Variants in SCHIP1 observed in about 807,000 individuals in gnomAD.
SCHIP1 encodes the protein schwannomin-interacting protein 1.
SCHIP1 carries 8 observed loss-of-function variants against 29.7 expected under a neutral mutation model. That is an observed-to-expected ratio of 0.27 (90% CI 0.16 to 0.49). The LOEUF (loss-of-function observed/expected upper bound fraction) is 0.49, where lower values mean the gene tolerates loss of function less well. Ranked by LOEUF, SCHIP1 falls within the 20% of genes least tolerant of loss-of-function variation. The pLI is 0.99. For synonymous variants in SCHIP1, 76 were observed against 94.9 expected (o/e 0.80, Z 1.16); for missense variants, 193 against 294.6 (o/e 0.66, Z 2.52).
chr3:159,476,864 T>C, the SCHIP1 span, among the ~76,000 whole-genome samples: 1 of 152,154 alleles, frequency 6.6e-6, no homozygotes, highest in Non-Finnish European at 1.5e-5. Context: ...TTATTGATTA[T>C]TGTCACTGTG....
the SCHIP1 span, among the ~76,000 whole-genome samples, chr3:159,458,617 T>C: frequency 6.6e-6 from 1 of 152,150 alleles, no homozygotes; most frequent in Admixed American, 6.5e-5. Flanking sequence ...AATAGCTCCT[T>C]GTAATAGATA....
At chr3:159,508,987 C>A in the SCHIP1 span, among the ~76,000 whole-genome samples, 1 of 152,178 alleles carries the variant, frequency 6.6e-6, no homozygotes, top group Non-Finnish European at 1.5e-5. Flanking sequence ...GTTAGGTCCA[C>A]TTGGTGCAGA....
the SCHIP1 span, among the ~76,000 whole-genome samples, chr3:159,606,196 A>T: frequency 6.6e-6 from 1 of 152,206 alleles, no homozygotes; most frequent in African/African-American, 2.4e-5. Flanking sequence ...TACATTTTCA[A>T]ATAAATTCAC....
chr3:159,582,342 T>G, the SCHIP1 span, among the ~76,000 whole-genome samples: 13 of 151,968 alleles, frequency 8.6e-5, no homozygotes, highest in Non-Finnish European at 1.9e-4. Context: ...TTTTTTTTTA[T>G]TTTTAATAGA....
chr3:159,456,977 TTATC>T, the SCHIP1 span, among the ~76,000 whole-genome samples: 1 of 152,204 alleles, frequency 6.6e-6, no homozygotes, highest in Non-Finnish European at 1.5e-5. Context: ...CAAATTAAGT[TTATC>T]TAATTAGCGT....
the SCHIP1 span, among the ~76,000 whole-genome samples, chr3:159,749,244 A>G: frequency 6.6e-6 from 1 of 152,024 alleles, no homozygotes; most frequent in African/African-American, 2.4e-5. Flanking sequence ...AGGGCAGCTG[A>G]GGTGGGAGGA....
the SCHIP1 span, chr3:159,764,854 G>A: frequency 1.9e-6 from 3 of 1,592,124 alleles, no homozygotes; most frequent in Non-Finnish European, 2.6e-6. This position sits in a 1 kb window ranked among gnomAD's most constrained non-coding sequence, Gnocchi z 6.1. Flanking sequence ...CGACCCCCAG[G>A]ACCTCAGGCA....
chr3:159,294,859 A>G, the SCHIP1 span, among the ~76,000 whole-genome samples: 1 of 152,116 alleles, frequency 6.6e-6, no homozygotes, highest in Non-Finnish European at 1.5e-5. Context: ...GTCTCCATAG[A>G]TGTTTCAGAC....
chr3:159,749,448 G>A, the SCHIP1 span, among the ~76,000 whole-genome samples: 1 of 152,110 alleles, frequency 6.6e-6, no homozygotes, highest in Non-Finnish European at 1.5e-5. Flanking sequence ...AGAGGGAGTT[G>A]AGGAAAGCTG....
the SCHIP1 span, among the ~76,000 whole-genome samples, chr3:159,280,110 G>A: frequency 6.6e-6 from 1 of 151,926 alleles, no homozygotes; most frequent in Admixed American, 6.6e-5. Flanking sequence ...AATTATGAGA[G>A]GGTCTCAGAT....
chr3:159,380,748 G>A, the SCHIP1 span, among the ~76,000 whole-genome samples: 1 of 152,114 alleles, frequency 6.6e-6, no homozygotes, highest in South Asian at 2.1e-4. Context: ...GAAAAAGAAT[G>A]AGGCCCAAAG....
the SCHIP1 span, among the ~76,000 whole-genome samples, chr3:159,595,388 G>A: frequency 6.6e-6 from 1 of 152,090 alleles, no homozygotes. Context: ...GGAAGGGAAG[G>A]GGAGGTGGGG....
At chr3:159,439,097 A>G in the SCHIP1 span, among the ~76,000 whole-genome samples, 1 of 151,776 alleles carries the variant, frequency 6.6e-6, no homozygotes, top group South Asian at 2.1e-4. Flanking sequence ...ACTAATTTAC[A>G]CTCCCACCAA....
At chr3:159,813,806 A>G in the SCHIP1 span, among the ~76,000 whole-genome samples, 5 of 152,182 alleles carry the variant, frequency 3.3e-5, no homozygotes, top group African/African-American at 9.7e-5. Flanking sequence ...GATACAAGAG[A>G]AATATAAAAC....
At chr3:159,560,183 C>T in the SCHIP1 span, among the ~76,000 whole-genome samples, 1 of 152,164 alleles carries the variant, frequency 6.6e-6, no homozygotes, top group Non-Finnish European at 1.5e-5. Flanking sequence ...AATTATTCTT[C>T]CTTATCAATA....
the SCHIP1 span, chr3:159,808,416 A>T: frequency 6.6e-6 from 1 of 152,248 alleles, no homozygotes; most frequent in African/African-American, 2.4e-5. Context: ...TTCATGTGGC[A>T]AGGTTTTAGC....
the SCHIP1 span, among the ~76,000 whole-genome samples, chr3:159,538,131 G>T: frequency 0.18 from 27,099 of 151,978 alleles, 2,591 homozygotes; most frequent in South Asian, 0.35. Flanking sequence ...TTGGACTTAA[G>T]AAAAAACATG....
chr3:159,307,009 A>G, the SCHIP1 span, among the ~76,000 whole-genome samples: 1 of 152,190 alleles, frequency 6.6e-6, no homozygotes, highest in Non-Finnish European at 1.5e-5. Flanking sequence ...AAGAGAAAAA[A>G]CAGATTATGC....
the SCHIP1 span, among the ~76,000 whole-genome samples, chr3:159,320,940 T>G: frequency 6.6e-6 from 1 of 152,100 alleles, no homozygotes; most frequent in East Asian, 1.9e-4. Context: ...ATGGAGTGAC[T>G]ACTTAATACT....
Sources: gnomAD v4.1 joint callset for allele counts (sites outside exome capture counted in the v4.1 genomes callset) on GRCh38, gnomAD v4.1.1 for gene constraint, Gnocchi (gnomAD v3.1) non-coding constraint, MANE v1.5 for transcripts, NCBI Gene and HGNC (gene_info 2026-07-23, HGNC 2026-07-21) for gene names.